The following RBM38 variants were observed in gnomAD, a reference collection of about 807,000 sequenced individuals.
The protein encoded by RBM38 is RNA binding motif protein 38.
A neutral mutation model predicts 23.5 loss-of-function variants in RBM38; 11 were observed. The ratio of observed to expected loss-of-function variants is 0.47; its 90% CI spans 0.29 to 0.77. RBM38 has a LOEUF of 0.77. Ranked by LOEUF, RBM38 falls within the 30% of genes least tolerant of loss-of-function variation. RBM38 has a pLI of 0.08. For missense variants in RBM38, 330 were observed against 351.9 expected (o/e 0.94, Z 0.50); for synonymous variants, 165 against 166.1 (o/e 0.99, Z 0.05).
intron 3 of RBM38, among the ~76,000 whole-genome samples, chr20:57,397,087 G>A (rs2067282114): frequency 2.6e-5 from 4 of 152,138 alleles, no homozygotes; most frequent in African/African-American, 9.7e-5. Context: ...GTCTGCCTGG[G>A]CTTAAGGCCA....
In RBM38 at chr20:57,407,755, C is replaced by T. The variant is rs760010932; in HGVS notation, c.629C>T (p.Ala210Val). The change falls in exon 4 of 4, where the codon GCC becomes GTC. Residue 210 changes from alanine (A) to valine (V), a missense_variant. By Grantham distance (64) the Ala-to-Val change is moderately conservative. This residue lies in a region of RBM38 where 227 missense variants were observed against 216.4 expected (regional missense o/e 1.05). Transcript: ENST00000356208. The surrounding 1 kb of genome is among the most constrained non-coding windows in gnomAD (Gnocchi z 4.0). ...ASFVGYSYPA[A>V]VPQALSAAAP... is the part of the protein sequence containing the mutation. ...TTCGTGGGCTACAGCTACCCTGCCG[C>T]CGTGCCCCAGGCCCTCTCAGCCGCA... The T allele has an allele frequency of 2.5e-6, 4 of 1,610,480 alleles. No homozygotes were observed. Among genetic ancestry groups the T allele is most frequent in the Non-Finnish European group, 2.5e-6 (3 of 1,179,356 alleles).
chr20:57,404,329 G>A (rs1051455558), intron 3 of RBM38, among the ~76,000 whole-genome samples: 1 of 152,262 alleles, frequency 6.6e-6, no homozygotes, highest in Admixed American at 6.5e-5. Flanking sequence ...AGTCTGCATG[G>A]GATCCACATT....
In RBM38 at chr20:57,408,914, G is replaced by C. The variant is rs1162332257; in HGVS notation, c.*1068G>C. ...TGGGGTCTAGACCATGGTGGTGCCA[G>C]CCTGGGGGGGGCAGTGGCCCTCAGC... is the stretch of plus-strand genomic sequence containing the variant. On this transcript the variant is annotated 3_prime_UTR_variant, in exon 4 of 4. Coordinates refer to ENST00000356208, the MANE Select transcript of RBM38 (RefSeq NM_017495.6). The C allele has an allele frequency of 6.5e-6, 1 of 152,694 alleles. No homozygotes were observed. Among genetic ancestry groups the C allele is most frequent in the African/African-American group, 2.4e-5 (1 of 41,278 alleles). The allele number at this position is 152,694 out of a possible 1,614,324, so 9.5% of individuals were successfully genotyped here.
intron 3 of RBM38, among the ~76,000 whole-genome samples, chr20:57,396,347 T>C (rs2067274981): frequency 6.6e-6 from 1 of 152,214 alleles, no homozygotes; most frequent in Non-Finnish European, 1.5e-5. Flanking sequence ...GTCTGCCAGC[T>C]GAGTGTGTCT....
chr20:57,397,610 C>T (rs2067287572), intron 3 of RBM38, among the ~76,000 whole-genome samples: 1 of 152,320 alleles, frequency 6.6e-6, no homozygotes, highest in African/African-American at 2.4e-5. Context: ...CTGGACAGAG[C>T]ACCTGGGTCC....
Position 57,391,590 on chromosome 20 carries a change from G to A in RBM38, c.9G>A (p.Leu3=), listed in dbSNP as rs1170338124. 2.0e-5 allele frequency: 26 copies of A among 1,300,478 alleles called. No individual in the cohort carries two copies. The highest frequency in any genetic ancestry group is 2.4e-5 in the Non-Finnish European group (24 of 1,012,518). The allele number at this position is 1,300,478 out of a possible 1,614,324, so 80.6% of individuals were successfully genotyped here. A position where few individuals can be genotyped will look rare whatever the true frequency, so the allele number is the denominator to read the frequency against. Residue 3 remains leucine (L), a synonymous_variant, in exon 1 of 4, where the codon CTG becomes CTA. Transcript: ENST00000356208. ...GCGGCGGGGCGCCCCCCATGCTGCTGCAGCCCGCGCCGTGCGCCCCGAGCG... is the reference window on the plus strand; with the variant it reads ...GCGGCGGGGCGCCCCCCATGCTGCTACAGCCCGCGCCGTGCGCCCCGAGCG... ML[L]QPAPCAPSAG...
Position 57,408,181 on chromosome 20 carries a change from C to T in RBM38, c.*335C>T, listed in dbSNP as rs2067407770. ...CCAGGTTCCCTCAGGCTTGTGTCCCCACTGCTGCATCGTGGCGGGGTGTCA... is the reference window on the plus strand; with the variant it reads ...CCAGGTTCCCTCAGGCTTGTGTCCCTACTGCTGCATCGTGGCGGGGTGTCA... On this transcript the variant is annotated 3_prime_UTR_variant, in exon 4 of 4. Coordinates refer to ENST00000356208, the MANE Select transcript of RBM38 (RefSeq NM_017495.6). 2 of 426,440 alleles carry T rather than the reference C, an allele frequency of 4.7e-6. No individual in the cohort carries two copies. The highest frequency in any genetic ancestry group is 2.3e-5 in the South Asian group (1 of 43,716). The allele number at this position is 426,440 out of a possible 1,614,324, so 26.4% of individuals were successfully genotyped here. A position where few individuals can be genotyped will look rare whatever the true frequency, so the allele number is the denominator to read the frequency against.
Position 57,391,830 on chromosome 20 carries a change from C to A in RBM38, c.237+12C>A. The stretch of plus-strand genomic sequence containing the variant: ...GCGGCTACGGCTTCGTAAGTGGCCC[C>A]CGCGCCCGGGCCCGCACCCCGCCGC... On this transcript the variant is annotated intron_variant, in intron 1 of 3. Transcript: ENST00000356208. 2 of 1,531,698 alleles carry A rather than the reference C, an allele frequency of 1.3e-6. No homozygotes were observed. The highest frequency in any genetic ancestry group is 1.2e-5 in the South Asian group (1 of 83,666). The allele number at this position is 1,531,698 out of a possible 1,614,324, so 94.9% of individuals were successfully genotyped here. A position where few individuals can be genotyped will look rare whatever the true frequency, so the allele number is the denominator to read the frequency against.
At chr20:57,402,128 G>T (rs113947604) in intron 3 of RBM38, among the ~76,000 whole-genome samples, 1 of 152,144 alleles carries the variant, frequency 6.6e-6, no homozygotes, top group Non-Finnish European at 1.5e-5. Context: ...TGTATTTTTA[G>T]TAGAGATGGG....
rs6070096 is a variant in RBM38 at position 57,404,516 on chromosome 20, A to G, written c.417-3027A>G. On this transcript the variant is annotated intron_variant, in intron 3 of 3. Coordinates refer to ENST00000356208, the MANE Select transcript of RBM38 (RefSeq NM_017495.6). ...GGACAGCCTGCTGGGCACAGCCCCA[A>G]GACAGTCCTTGCTGTGTCTCCACTC... 5.8e-3 allele frequency among the ~76,000 whole-genome samples: 889 copies of G among 152,328 alleles called. 4 individuals are homozygous for G. Among genetic ancestry groups the G allele is most frequent in the Middle Eastern group, 0.014 (4 of 294 alleles).
rs1173034033 is a variant in RBM38, at chr20:57,407,549, C to T, written c.423C>T (p.Thr141=). 2 of 1,613,470 alleles carry T rather than the reference C, an allele frequency of 1.2e-6. No homozygotes were observed. Among genetic ancestry groups the T allele is most frequent in the Non-Finnish European group, 1.7e-6 (2 of 1,179,640 alleles). The change falls in exon 4 of 4, where the codon ACC becomes ACT. Residue 141 remains threonine (T), a synonymous_variant. Coordinates refer to ENST00000356208, the MANE Select transcript of RBM38 (RefSeq NM_017495.6). This position sits in a 1 kb window ranked among gnomAD's most constrained non-coding sequence, Gnocchi z 4.0. ...GCTCTGCTTGGCCCCACAGGCTGAC[C>T]CCGCACTACATCTACCCACCAGCCA... The part of the protein sequence containing the change: ...PTLIQRTYGL[T]PHYIYPPAIV...
chr20:57,391,918 C>A, intron 1 of RBM38, 100 bp downstream of exon 1: 1 of 846,950 alleles, frequency 1.2e-6, no homozygotes, highest in Non-Finnish European at 1.6e-6. Context: ...GGCCCGCTGC[C>A]GCCCCCGCCC....
At position 57,391,632 on chromosome 20, in the gene RBM38, C is replaced by T. The variant is rs1205743794; in HGVS notation, c.51C>T (p.Pro17=). The change falls in exon 1 of 4, where the codon CCC becomes CCT. Residue 17 remains proline, a synonymous_variant. Transcript: ENST00000356208. The stretch of plus-strand genomic sequence containing the variant: ...CCCCGAGCGCGGGCTTCCCGCGGCC[C>T]CTGGCCGCCCCCGGCGCCATGCACG... ...PCAPSAGFPR[P]LAAPGAMHGS... 5 of 1,459,060 alleles carry T rather than the reference C, an allele frequency of 3.4e-6. No individual in the cohort carries two copies. Among genetic ancestry groups the T allele is most frequent in the Non-Finnish European group, 4.6e-6 (5 of 1,097,260 alleles). 90.4% of individuals were successfully genotyped at this position (1,459,060 alleles called of 1,614,324 possible). A position where few individuals can be genotyped will look rare whatever the true frequency, so the allele number is the denominator to read the frequency against.
At chr20:57,401,471 A>G (rs923735658) in intron 3 of RBM38, among the ~76,000 whole-genome samples, 10 of 152,296 alleles carry the variant, frequency 6.6e-5, no homozygotes, top group Middle Eastern at 3.4e-3. Context: ...TGGCCTGGGA[A>G]GCAGAGGCCA....
Position 57,407,877 on chromosome 20 carries a change from T to C in RBM38, c.*31T>C. ...GTTCCTGCCCCGAGGACTGTGGCAT[T>C]GTCACCTTCACAGCAGACAGAGCTG... On this transcript the variant is annotated 3_prime_UTR_variant, in exon 4 of 4. Coordinates refer to ENST00000356208, the MANE Select transcript of RBM38 (RefSeq NM_017495.6). The surrounding 1 kb of genome is among the most constrained non-coding windows in gnomAD (Gnocchi z 4.0). 1 of 1,524,826 alleles carries C rather than the reference T, an allele frequency of 6.6e-7. No homozygotes were observed. The highest frequency in any genetic ancestry group is 1.2e-5 in the South Asian group (1 of 82,806). 94.5% of individuals were successfully genotyped at this position (1,524,826 alleles called of 1,614,324 possible). A position where few individuals can be genotyped will look rare whatever the true frequency, so the allele number is the denominator to read the frequency against.
chr20:57,392,906 C>A (rs2067235759), intron 2 of RBM38, 129 bp downstream of exon 2: 1 of 1,256,114 alleles, frequency 8.0e-7, no homozygotes, highest in Non-Finnish European at 1.1e-6. Flanking sequence ...CCTGCAGAGC[C>A]GGCACAGGGC....
At chr20:57,393,250 C>T in intron 2 of RBM38, 29 bp from the exon 3 acceptor site, 3 of 1,611,572 alleles carry the variant, frequency 1.9e-6, no homozygotes, top group Non-Finnish European at 8.5e-7. Flanking sequence ...TGCAGCAAGG[C>T]CAAGTCCCTG....
At chr20:57,397,033 G>A (rs539456912) in intron 3 of RBM38, among the ~76,000 whole-genome samples, 2 of 152,310 alleles carry the variant, frequency 1.3e-5, no homozygotes, top group East Asian at 1.9e-4. Context: ...CTCGGACTCC[G>A]GAGTGTCAGG....
chr20:57,392,232 A>T, intron 1 of RBM38: 3 of 349,112 alleles, frequency 8.6e-6, no homozygotes, highest in South Asian at 6.8e-5. Flanking sequence ...CGCCCCAAAT[A>T]AACATCAGCT....
Sources: allele counts gnomAD v4.1 joint callset (sites outside exome capture counted in the v4.1 genomes callset), GRCh38; gene constraint gnomAD v4.1.1; regional missense constraint gnomAD v4.1.1; non-coding constraint Gnocchi (gnomAD v3.1); transcripts MANE v1.5; gene names NCBI Gene and HGNC (gene_info 2026-07-23, HGNC 2026-07-21).